ADGRF1: variants seen among roughly 807,000 people sequenced by gnomAD.
ADGRF1 encodes adhesion G protein-coupled receptor F1, also known as G protein-coupled receptor 110.
In ADGRF1, 85 loss-of-function variants were observed where a neutral mutation model predicts 87.2. That is an observed-to-expected ratio of 0.97 (90% confidence interval 0.82 to 1.17). The LOEUF (loss-of-function observed/expected upper bound fraction) is 1.17, where lower values mean the gene tolerates loss of function less well. Among genes scored for constraint, ADGRF1 ranks in the 50% most tolerant of loss-of-function variants. The pLI is 0.00. For synonymous variants in ADGRF1, 430 were observed against 408.8 expected (o/e 1.05, Z -0.63); for missense variants, 1,169 against 1,077.2 (o/e 1.09, Z -1.19).
Position 47,007,308 on chromosome 6 carries a change from G to A in ADGRF1, c.2491-14C>T, listed in dbSNP as rs1240948898. The A allele has an allele frequency of 5.6e-6, 8 of 1,441,270 alleles. No individual in the cohort carries two copies. The highest frequency in any genetic ancestry group is 1.4e-5 in the African/African-American group (1 of 71,166). The allele number at this position is 1,441,270 out of a possible 1,614,324, so 89.3% of individuals were successfully genotyped here. On this transcript the variant is annotated splice_polypyrimidine_tract_variant and intron_variant, in intron 11 of 14. Transcript: ENST00000371253. ...GATAAAAAATCCCTTTAAAAAGAAA[G>A]GAATAAATCACATGTATTGTATTTT...
rs1779292637 is a variant in ADGRF1 at position 46,999,253 on chromosome 6, A to G, written c.*969T>C. On this transcript the variant is annotated 3_prime_UTR_variant, in exon 15 of 15. Coordinates refer to ENST00000371253, the MANE Select transcript of ADGRF1 (RefSeq NM_153840.4). ...CCTATGGTGTATTATGAAAGAAAAT[A>G]AGGATGTTTTAAGGTACCTCCCTGG... 6.6e-6 allele frequency: 1 copy of G among 152,246 alleles called. No individual in the cohort carries two copies. The highest frequency in any genetic ancestry group is 2.1e-4 in the South Asian group (1 of 4,828). The allele number at this position is 152,246 out of a possible 1,614,324, so 9.4% of individuals were successfully genotyped here. A position where few individuals can be genotyped will look rare whatever the true frequency, so the allele number is the denominator to read the frequency against.
intron 1 of ADGRF1, among the ~76,000 whole-genome samples, chr6:47,036,290 T>C (rs147882379): frequency 0.011 from 1,672 of 152,252 alleles, 16 homozygotes; most frequent in Non-Finnish European, 0.018. Flanking sequence ...TTGGGTACTA[T>C]GCTCACTCAC....
At chr6:47,036,381 CT>C (rs563665195) in intron 1 of ADGRF1, among the ~76,000 whole-genome samples, 126 of 152,278 alleles carry the variant, frequency 8.3e-4, no homozygotes, top group African/African-American at 2.9e-3. Context: ...CACGTACCCC[CT>C]GATGCTAAAA....
chr6:47,020,370 T>C (rs1226494), intron 7 of ADGRF1: 247,800 of 771,856 alleles, frequency 0.32, 45,707 homozygotes, highest in African/African-American at 0.67. Flanking sequence ...GTGGCAGGTG[T>C]CTGTAATTCC....
chr6:47,001,436 T>C (rs1779360232), intron 14 of ADGRF1, 65 bp downstream of exon 14: 4 of 1,268,618 alleles, frequency 3.2e-6, no homozygotes, highest in African/African-American at 3.0e-5. Context: ...TTGAATTTTA[T>C]TCATATGATA....
intron 13 of ADGRF1, among the ~76,000 whole-genome samples, chr6:47,003,327 C>T (rs774772361): frequency 6.6e-6 from 1 of 152,092 alleles, no homozygotes; most frequent in African/African-American, 2.4e-5. Context: ...AGTATTTTAC[C>T]ACAAAATATA....
At chr6:47,030,588 G>GTGTGTA (rs1178486478) in intron 1 of ADGRF1, among the ~76,000 whole-genome samples, 2 of 151,076 alleles carry the variant, frequency 1.3e-5, no homozygotes, top group South Asian at 2.1e-4. Context: ...GTGTGTGTGT[G>GTGTGTA]TGTGTGTGTG....
At chr6:47,038,958 G>T (rs1024057472) in intron 1 of ADGRF1, among the ~76,000 whole-genome samples, 2 of 152,148 alleles carry the variant, frequency 1.3e-5, no homozygotes, top group African/African-American at 2.4e-5. Flanking sequence ...AGTGTAAAAG[G>T]TGTTCATGGA....
At chr6:47,013,352 T>A in intron 9 of ADGRF1, 1 of 985,534 alleles carries the variant, frequency 1.0e-6, no homozygotes, top group Non-Finnish European at 1.2e-6. Context: ...CAGAATCTAA[T>A]CCCCTTCCCC....
chr6:47,037,018 GAA>G (rs1156906186), intron 1 of ADGRF1, among the ~76,000 whole-genome samples: 2 of 152,156 alleles, frequency 1.3e-5, no homozygotes, highest in Non-Finnish European at 2.9e-5. Context: ...AAGTTAAAAG[GAA>G]AGTGCTGCTT....
At chr6:47,011,051 C>A (rs570497149) in intron 10 of ADGRF1, among the ~76,000 whole-genome samples, 1 of 152,292 alleles carries the variant, frequency 6.6e-6, no homozygotes, top group East Asian at 1.9e-4. Context: ...GCCTTCTAGT[C>A]CAGAATCCCA....
rs767427195 is a variant in ADGRF1 at position 47,021,968 on chromosome 6, AT to A, written c.541del (p.Ile181LeufsTer64). 2 of 1,562,694 alleles carry A rather than the reference AT, an allele frequency of 1.3e-6. No homozygotes were observed. The highest frequency in any genetic ancestry group is 3.6e-5 in the Admixed American group (2 of 55,398). On this transcript the variant is annotated frameshift_variant, in exon 6 of 15. Transcript: ENST00000371253. LOFTEE classifies it high-confidence loss of function. ...SAIYSKYANG[I>X]EIQLKKAYER... ...GTAGAAAGTGCTTACTTGAATTTCA[AT>A]TCCATTTGCATATTTGGAGTATATA...
Position 47,000,136 on chromosome 6 carries a change from A to G in ADGRF1, c.*86T>C, listed in dbSNP as rs903071007. The G allele has an allele frequency of 3.9e-6, 4 of 1,018,068 alleles. No individual in the cohort carries two copies. The African/African-American group carries it at 6.3e-5, about 16-fold the overall frequency. The allele number at this position is 1,018,068 out of a possible 1,614,324, so 63.1% of individuals were successfully genotyped here. ...CCCCTAAATCAGAAAACCCGATCGAATACTGAGCATAATTTCTTCATTGAC... is the reference window on the plus strand; with the variant it reads ...CCCCTAAATCAGAAAACCCGATCGAGTACTGAGCATAATTTCTTCATTGAC... On this transcript the variant is annotated 3_prime_UTR_variant, in exon 15 of 15. Transcript: ENST00000371253.
chr6:47,017,631 C>T (rs1049934269), intron 7 of ADGRF1: 11 of 150,306 alleles, frequency 7.3e-5, no homozygotes, highest in Non-Finnish European at 1.5e-5. Flanking sequence ...GAAGGAACCA[C>T]TGATAGAAAA....
At chr6:47,015,505 G>C (rs2113887570) in intron 8 of ADGRF1, among the ~76,000 whole-genome samples, 1 of 152,152 alleles carries the variant, frequency 6.6e-6, no homozygotes, top group Admixed American at 6.5e-5. Flanking sequence ...CTACCTCCCA[G>C]GCTCAAGTGA....
chr6:47,013,161 C>A, intron 9 of ADGRF1: 2 of 985,448 alleles, frequency 2.0e-6, no homozygotes, highest in Non-Finnish European at 2.4e-6. Flanking sequence ...AAGGCAGTCC[C>A]CTTCCACTCA....
rs1377354406 is a variant in ADGRF1 at position 47,005,846 on chromosome 6, C to A, written c.2563G>T (p.Ala855Ser). The change falls in exon 13 of 15, where the codon GCC (alanine) becomes TCC (serine). Residue 855 changes from alanine to serine, a missense_variant. By Grantham distance (99) the Ala-to-Ser change is moderately conservative. Transcript: ENST00000371253. ...LRQLLFNKLS[A>S]LSSWKQTEKQ... ...TCTGTTTGCTTCCAAGAACTTAAGG[C>A]AGACAACTTGTTGAACAGAAGTTGT... 7 of 1,611,766 alleles carry A rather than the reference C, an allele frequency of 4.3e-6. No homozygotes were observed.
chr6:47,000,938 C>T (rs1779346410), intron 14 of ADGRF1, among the ~76,000 whole-genome samples: 1 of 152,224 alleles, frequency 6.6e-6, no homozygotes, highest in African/African-American at 2.4e-5. Context: ...AATGTTTAAA[C>T]ACTGGTCTTG....
chr6:47,041,368 G>A (rs1488989513), intron 1 of ADGRF1, among the ~76,000 whole-genome samples: 2 of 152,018 alleles, frequency 1.3e-5, no homozygotes, highest in African/African-American at 4.8e-5. Context: ...CTATTATCAA[G>A]TTGAGCTTAA....
Sources: allele counts gnomAD v4.1 joint callset (sites outside exome capture counted in the v4.1 genomes callset), GRCh38; gene constraint gnomAD v4.1.1; transcripts MANE v1.5; gene names NCBI Gene and HGNC (gene_info 2026-07-23, HGNC 2026-07-21).